Variants in DDX10 observed in about 807,000 individuals in gnomAD.
DDX10 encodes the protein DEAD-box helicase 10.
Under a neutral mutation model 104.3 loss-of-function variants are expected in DDX10, and 74 were observed. The ratio of observed to expected loss-of-function variants is 0.71; its 90% CI spans 0.59 to 0.86. DDX10 has a LOEUF of 0.86. DDX10 is among the 40% of genes least tolerant of loss of function. The pLI, the probability that DDX10 is intolerant of heterozygous loss-of-function variation, is 0.00. For missense variants in DDX10, 952 were observed against 1,040.0 expected, an observed-to-expected ratio of 0.92 and a Z score of 1.16; for synonymous variants, 351 against 353.4, an observed-to-expected ratio of 0.99 and a Z score of 0.08.
intron 16 of DDX10, among the ~76,000 whole-genome samples, chr11:108,896,106 C>T (rs148948137): frequency 0.016 from 2,366 of 152,126 alleles, 59 homozygotes; most frequent in African/African-American, 0.054. Flanking sequence ...TCCACTTTGC[C>T]GTGACTGTAT....
At chr11:108,778,638 G>T (rs1215712744) in intron 13 of DDX10, among the ~76,000 whole-genome samples, 2 of 152,188 alleles carry the variant, frequency 1.3e-5, no homozygotes, top group Admixed American at 1.3e-4. Flanking sequence ...GCATGGGCAA[G>T]GACTTCATGA....
chr11:108,926,278 C>G (rs1234333578), intron 17 of DDX10, among the ~76,000 whole-genome samples: 2 of 151,072 alleles, frequency 1.3e-5, no homozygotes, highest in Non-Finnish European at 2.9e-5. Flanking sequence ...CATGGGTGTG[C>G]ATGTAGCACA....
chr11:108,883,565 C>A (rs185991269), intron 16 of DDX10, among the ~76,000 whole-genome samples: 10 of 152,256 alleles, frequency 6.6e-5, no homozygotes, highest in Admixed American at 3.3e-4. Flanking sequence ...GGGGGGAAGT[C>A]TCTTTCTAGA....
chr11:108,674,844 A>C (rs2094221903), intron 2 of DDX10, among the ~76,000 whole-genome samples: 1 of 152,076 alleles, frequency 6.6e-6, no homozygotes, highest in South Asian at 2.1e-4. Flanking sequence ...TCTTCCTTCT[A>C]ACTGAAATTT....
At chr11:108,687,814 G>A (rs1389994638) in intron 6 of DDX10, among the ~76,000 whole-genome samples, 3 of 152,058 alleles carry the variant, frequency 2.0e-5, no homozygotes, top group Admixed American at 6.5e-5. Flanking sequence ...TTCCCTTTGT[G>A]GATCATAACT....
At chr11:108,786,618 G>T (rs964199984) in intron 13 of DDX10, among the ~76,000 whole-genome samples, 5 of 152,092 alleles carry the variant, frequency 3.3e-5, no homozygotes, top group Admixed American at 6.6e-5. Context: ...GCCCTTCTTC[G>T]TTCTCCCTGA....
intron 13 of DDX10, among the ~76,000 whole-genome samples, chr11:108,785,734 G>A (rs139266629): frequency 5.9e-5 from 9 of 152,012 alleles, no homozygotes; most frequent in East Asian, 1.9e-4. Flanking sequence ...GTTCATAATC[G>A]TCTCCAATCT....
chr11:108,783,786 T>C (rs1338891431), intron 13 of DDX10, among the ~76,000 whole-genome samples: 3 of 152,164 alleles, frequency 2.0e-5, no homozygotes, highest in African/African-American at 7.2e-5. Flanking sequence ...ATAGTGAGCA[T>C]AGTACCCAAT....
chr11:108,868,344 G>A (rs1023536204), intron 16 of DDX10: 1 of 151,804 alleles, frequency 6.6e-6, no homozygotes, highest in East Asian at 1.9e-4. Context: ...TATGGCTGTG[G>A]AAGAGTGAGG....
At chr11:108,748,380 TC>T (rs1411991281) in intron 13 of DDX10, among the ~76,000 whole-genome samples, 1 of 152,132 alleles carries the variant, frequency 6.6e-6, no homozygotes, top group Non-Finnish European at 1.5e-5. Context: ...AGATAAGAAA[TC>T]AATAGACATT....
At chr11:108,665,394 C>A in intron 1 of DDX10, 55 bp downstream of exon 1, 1 of 1,500,148 alleles carries the variant, frequency 6.7e-7, no homozygotes. Flanking sequence ...GGCAGCGTCT[C>A]ACTGCGGCGA....
rs2094320757 is a variant in DDX10, at chr11:108,738,268, G to A, written c.1965+14806G>A. Among the ~76,000 whole-genome samples, 3 of 144,936 alleles carry A rather than the reference G, an allele frequency of 2.1e-5. No individual in the cohort carries two copies. The South Asian group carries it at 6.7e-4, about 32-fold the overall frequency. On this transcript the variant is annotated intron_variant, in intron 13 of 17. Transcript: ENST00000322536. ...AGACTGAACTTTTTTTTTTTTTAAA[G>A]GAATCTATGAAAATCTGGCTTTCAG...
rs752668034 is a variant in DDX10, at chr11:108,716,010, A to G, written c.1410+44A>G. The G allele has an allele frequency of 1.6e-4, 170 of 1,048,526 alleles. 1 individual carries two copies. Among genetic ancestry groups the G allele is most frequent in the Admixed American group, 2.7e-4 (14 of 52,452 alleles). The allele number at this position is 1,048,526 out of a possible 1,614,324, so 65.0% of individuals were successfully genotyped here. A position where few individuals can be genotyped will look rare whatever the true frequency, so the allele number is the denominator to read the frequency against. On this transcript the variant is annotated intron_variant, in intron 11 of 17. Transcript: ENST00000322536. The stretch of plus-strand genomic sequence containing the variant: ...GGATACTTTCATTGACTGGAAAAAC[A>G]GTAAAGTTTATCATTTTCTGCTACT...
intron 9 of DDX10, among the ~76,000 whole-genome samples, chr11:108,704,936 G>A (rs189207030): frequency 6.0e-4 from 91 of 152,158 alleles, no homozygotes; most frequent in Non-Finnish European, 1.1e-3. Flanking sequence ...CCCTAATGTC[G>A]GACAAATTCC....
Position 108,692,051 on chromosome 11 carries a change from C to G in DDX10, c.1138+13C>G, listed in dbSNP as rs1197508529. The G allele has an allele frequency of 1.9e-6, 3 of 1,566,962 alleles. No homozygotes were observed. The African/African-American group carries it at 4.1e-5, about 21-fold the overall frequency. On this transcript the variant is annotated intron_variant, in intron 8 of 17. Transcript: ENST00000322536. Reference sequence around the variant, plus strand: ...GCCAGGGGTCTGGGTAAGAAAACTTCCTATCATGAAATTTCTGTGATTGTG... The same window carrying G: ...GCCAGGGGTCTGGGTAAGAAAACTTGCTATCATGAAATTTCTGTGATTGTG...
chr11:108,687,821 A>T (rs954180352), intron 6 of DDX10, among the ~76,000 whole-genome samples: 1 of 152,190 alleles, frequency 6.6e-6, no homozygotes, highest in African/African-American at 2.4e-5. Flanking sequence ...TGTGGATCAT[A>T]ACTTAGTCAT....
intron 13 of DDX10, among the ~76,000 whole-genome samples, chr11:108,772,312 G>A (rs1298610032): frequency 2.0e-5 from 3 of 152,142 alleles, no homozygotes; most frequent in Non-Finnish European, 4.4e-5. Flanking sequence ...AGATAATTTT[G>A]GATTAGATTA....
chr11:108,934,350 C>G (rs565636112), intron 17 of DDX10, among the ~76,000 whole-genome samples: 25 of 152,174 alleles, frequency 1.6e-4, no homozygotes, highest in African/African-American at 6.0e-4. Flanking sequence ...GTAATAGAAG[C>G]ATGTTTACTT....
chr11:108,785,038 C>G (rs1248999210), intron 13 of DDX10, among the ~76,000 whole-genome samples: 1 of 152,050 alleles, frequency 6.6e-6, no homozygotes, highest in African/African-American at 2.4e-5. Context: ...CTGTTCTGTT[C>G]CATTGGTCTA....
Sources: allele counts gnomAD v4.1 joint callset (sites outside exome capture counted in the v4.1 genomes callset), GRCh38; gene constraint gnomAD v4.1.1; transcripts MANE v1.5; gene names NCBI Gene and HGNC (gene_info 2026-07-23, HGNC 2026-07-21).